Variants in FLACC1 observed in about 807,000 individuals in gnomAD.
FLACC1 encodes flagellum associated containing coiled-coil domains 1.
FLACC1 carries 66 observed loss-of-function variants against 62.8 expected under a neutral mutation model. That is an observed-to-expected ratio of 1.05 (90% confidence interval 0.86 to 1.29). The LOEUF is 1.29. Ranked by LOEUF, FLACC1 falls within the 50% of genes most tolerant of loss-of-function variation. The pLI is 0.00. For synonymous variants in FLACC1, 156 were observed against 161.0 expected (o/e 0.97, Z 0.24); for missense variants, 452 against 489.1 (o/e 0.92, Z 0.71).
At chr2:201,290,597 C>T (rs538528936) in intron 12 of FLACC1, among the ~76,000 whole-genome samples, 48 of 152,268 alleles carry the variant, frequency 3.2e-4, no homozygotes, top group African/African-American at 1.1e-3. Context: ...CAGCTCCCAG[C>T]GTGAGCGATG....
the FLACC1 span, among the ~76,000 whole-genome samples, chr2:201,363,012 T>G: frequency 2.0e-5 from 3 of 152,286 alleles, no homozygotes; most frequent in Non-Finnish European, 4.4e-5. Context: ...AACCTGGAAC[T>G]AGTCTGCATA....
At position 201,356,988 on chromosome 2, in the gene FLACC1, C is replaced by A. The variant is rs1403672762; in HGVS notation, c.-54G>T. ...TCTTTTCCAAAGAGCTTACCTTGGA[C>A]TGCCCAAAGATCTGTTATTCTCATG... On this transcript the variant is annotated 5_prime_UTR_variant, in exon 1 of 15. Coordinates refer to ENST00000392257, the MANE Select transcript of FLACC1 (RefSeq NM_001127391.3). The A allele has an allele frequency of 1.3e-5, 2 of 152,208 alleles. No individual in the cohort carries two copies. Among genetic ancestry groups the A allele is most frequent in the East Asian group, 3.8e-4 (2 of 5,200 alleles). 9.4% of individuals were successfully genotyped at this position (152,208 alleles called of 1,614,324 possible).
At chr2:201,360,285 G>T (rs148546814), upstream of FLACC1, among the ~76,000 whole-genome samples, 4 of 152,204 alleles carry the variant, frequency 2.6e-5, no homozygotes, top group Admixed American at 2.6e-4. Context: ...GCCACCAATA[G>T]TAAAACAAAG....
intron 12 of FLACC1, among the ~76,000 whole-genome samples, chr2:201,293,743 T>C (rs1949792051): frequency 6.6e-6 from 1 of 151,890 alleles, no homozygotes; most frequent in Non-Finnish European, 1.5e-5. Flanking sequence ...GCTGGTTTTT[T>C]GAAAAGATCA....
intron 1 of FLACC1, among the ~76,000 whole-genome samples, chr2:201,354,251 C>G (rs1340349776): frequency 6.6e-6 from 1 of 152,180 alleles, no homozygotes; most frequent in Non-Finnish European, 1.5e-5. Flanking sequence ...GCTGTGAGTC[C>G]TGTGCTAGAT....
upstream of FLACC1, among the ~76,000 whole-genome samples, chr2:201,359,289 T>A (rs563835229): frequency 6.6e-6 from 1 of 152,186 alleles, no homozygotes; most frequent in African/African-American, 2.4e-5. Context: ...CAGTTTTGGA[T>A]ATGTTGAGGT....
At chr2:201,356,433 T>C (rs980445784) in intron 1 of FLACC1, among the ~76,000 whole-genome samples, 11 of 152,204 alleles carry the variant, frequency 7.2e-5, no homozygotes, top group African/African-American at 2.7e-4. Flanking sequence ...GTGCTGGGAT[T>C]ACAGGTGTGA....
At chr2:201,333,650 C>T (rs949082262) in intron 7 of FLACC1, among the ~76,000 whole-genome samples, 1 of 149,254 alleles carries the variant, frequency 6.7e-6, no homozygotes, top group African/African-American at 2.5e-5. Context: ...TGAGAACATG[C>T]AGTGTTTGGT....
chr2:201,288,827 G>C (rs1002753694), intron 14 of FLACC1, 46 bp from the exon 15 acceptor site: 4 of 1,601,610 alleles, frequency 2.5e-6, no homozygotes, highest in Non-Finnish European at 1.7e-6. Context: ...TCAAAAGCTA[G>C]AAAGGGTATA....
chr2:201,288,595 T>G lies in FLACC1; in HGVS notation c.*60A>C. Reference sequence around the variant, plus strand: ...TTCTCAAGAAAACCCTCCCAGGAGTTTCCTGGGCCTACAGAAATGGTGTGC... The same window carrying G: ...TTCTCAAGAAAACCCTCCCAGGAGTGTCCTGGGCCTACAGAAATGGTGTGC... On this transcript the variant is annotated 3_prime_UTR_variant, in exon 15 of 15. Coordinates refer to ENST00000392257, the MANE Select transcript of FLACC1 (RefSeq NM_001127391.3). 6.3e-7 allele frequency: 1 copy of G among 1,584,460 alleles called. No individual in the cohort carries two copies.
At chr2:201,343,089 A>G (rs1950844381) in intron 6 of FLACC1, among the ~76,000 whole-genome samples, 1 of 152,160 alleles carries the variant, frequency 6.6e-6, no homozygotes, top group Admixed American at 6.5e-5. Context: ...GTGTCACACA[A>G]CAAGTGGTCA....
At position 201,319,096 on chromosome 2, in the gene FLACC1, T is replaced by TA. The variant is rs1039373470; in HGVS notation, c.676-9847dup. Among the ~76,000 whole-genome samples the TA allele has an allele frequency of 2.0e-5, 3 of 151,732 alleles. No individual in the cohort carries two copies. In the Middle Eastern group the frequency reaches 0.01, roughly 516 times the overall value. On this transcript the variant is annotated intron_variant, in intron 9 of 14. Transcript: ENST00000392257. ...CCTGTTTCCTAATAACCCATAGAAA[T>TA]AAAAAAATTTAAAAAAATATAAGGC... is the stretch of plus-strand genomic sequence containing the variant.
In FLACC1 at chr2:201,289,960, C is replaced by A. The variant is rs183567805; in HGVS notation, c.943-175G>T. On this transcript the variant is annotated intron_variant, in intron 12 of 14. Transcript: ENST00000392257. ...CTCTGTCTCACCCATCTATATCCTT[C>A]TCTTCAGCCTCACCAGAGCTCATAT... 5,982 of 1,116,482 alleles carry A rather than the reference C, an allele frequency of 5.4e-3. 40 individuals are homozygous for A. The highest frequency in any genetic ancestry group is 0.021 in the Middle Eastern group (72 of 3,450). The allele number at this position is 1,116,482 out of a possible 1,614,324, so 69.2% of individuals were successfully genotyped here.
At chr2:201,292,932 T>C (rs1361886416) in intron 12 of FLACC1, among the ~76,000 whole-genome samples, 7 of 152,288 alleles carry the variant, frequency 4.6e-5, no homozygotes, top group African/African-American at 1.2e-4. Flanking sequence ...AGAAGGCCAT[T>C]ATATAATGGT....
At chr2:201,359,728 C>T (rs115158904), upstream of FLACC1, among the ~76,000 whole-genome samples, 6 of 152,114 alleles carry the variant, frequency 3.9e-5, no homozygotes, top group Non-Finnish European at 7.4e-5. Context: ...TGGAGGGAAG[C>T]GTCTTGGTTG....
At chr2:201,357,977 C>T (rs1951145476), upstream of FLACC1, among the ~76,000 whole-genome samples, 1 of 152,134 alleles carries the variant, frequency 6.6e-6, no homozygotes, top group South Asian at 2.1e-4. Context: ...CTATTCTCTT[C>T]TATTTCTTTT....
rs144932607 is a variant in FLACC1 at position 201,326,916 on chromosome 2, T to A, written c.675+3554A>T. Among the ~76,000 whole-genome samples, 518 of 152,232 alleles carry A rather than the reference T, an allele frequency of 3.4e-3. 1 individual carries two copies. Among genetic ancestry groups the A allele is most frequent in the Non-Finnish European group, 5.2e-3 (356 of 68,006 alleles). ...TCTGGAGGTATCACATTACTAGACT[T>A]CAGATTATACTACAAGGCTATAGTT... On this transcript the variant is annotated intron_variant, in intron 9 of 14. Coordinates refer to ENST00000392257, the MANE Select transcript of FLACC1 (RefSeq NM_001127391.3). The surrounding 1 kb of genome is among the most constrained non-coding windows in gnomAD (Gnocchi z 4.1).
Position 201,344,267 on chromosome 2 carries a change from T to C in FLACC1, c.369-4A>G, listed in dbSNP as rs765294259. The C allele has an allele frequency of 4.6e-5, 73 of 1,601,984 alleles. No homozygotes were observed. Among genetic ancestry groups the C allele is most frequent in the Non-Finnish European group, 6.1e-5 (71 of 1,169,338 alleles). On this transcript the variant is annotated splice_polypyrimidine_tract_variant and splice_region_variant and intron_variant, in intron 5 of 14. Coordinates refer to ENST00000392257, the MANE Select transcript of FLACC1 (RefSeq NM_001127391.3). ...TAGGTCAGAAATGATGTTGGTCCTG[T>C]AGGAGAAGTAATTCTTCTATCATCC...
At chr2:201,339,967 C>T (rs550820010) in intron 7 of FLACC1, among the ~76,000 whole-genome samples, 3 of 152,172 alleles carry the variant, frequency 2.0e-5, no homozygotes, top group African/African-American at 7.2e-5. Context: ...CCCTCTAGCA[C>T]CCAAGTGGTA....
Sources: allele counts gnomAD v4.1 joint callset (sites outside exome capture counted in the v4.1 genomes callset), GRCh38; gene constraint gnomAD v4.1.1; non-coding constraint Gnocchi (gnomAD v3.1); transcripts MANE v1.5; gene names NCBI Gene and HGNC (gene_info 2026-07-23, HGNC 2026-07-21).